The following FBLN1 variants were observed in gnomAD, a reference collection of about 807,000 sequenced individuals.
FBLN1 encodes fibulin 1.
A neutral mutation model predicts 89.7 loss-of-function variants in FBLN1; 34 were observed. That is an observed-to-expected ratio of 0.38 (90% CI 0.29 to 0.50). The LOEUF is 0.50. Among genes scored for constraint, FBLN1 ranks in the 20% least tolerant of loss-of-function variants. The probability of loss-of-function intolerance (pLI) is 0.92; values close to 1 mark genes in which losing one functional copy is unlikely to be tolerated. For synonymous variants in FBLN1, 393 were observed against 391.3 expected, an observed-to-expected ratio of 1.00 and a Z score of -0.05; for missense variants, 777 against 988.1, an observed-to-expected ratio of 0.79 and a Z score of 2.86.
chr22:45,562,927 G>T lies in FBLN1; in HGVS notation c.1698-11584G>T. The T allele has an allele frequency of 1.2e-6, 2 of 1,613,976 alleles. No homozygotes were observed. Among genetic ancestry groups the T allele is most frequent in the Non-Finnish European group, 1.7e-6 (2 of 1,180,016 alleles). ...TTTCTTGCAGCCGCTGTGAGCGCTT[G>T]CCTTGCCATGAGAATCGGGAGTGCT... On this transcript the variant is annotated intron_variant, in intron 14 of 16. Coordinates refer to ENST00000327858, the MANE Select transcript of FBLN1 (RefSeq NM_006486.3). The surrounding 1 kb of genome is among the most constrained non-coding windows in gnomAD (Gnocchi z 7.8).
chr22:45,598,048 C>T (rs547742918), intron 16 of FBLN1, among the ~76,000 whole-genome samples: 12 of 152,300 alleles, frequency 7.9e-5, no homozygotes, highest in African/African-American at 1.2e-4. Context: ...AGGCTGTCAC[C>T]GTGCACGTTT....
intron 2 of FBLN1, chr22:45,523,235 G>A (rs781669117): frequency 1.3e-6 from 1 of 752,638 alleles, no homozygotes; most frequent in East Asian, 2.4e-5. Context: ...AGGGTGGCTG[G>A]AGTGGAGCCA....
At position 45,578,688 on chromosome 22, in the gene FBLN1, C is replaced by T. The variant is rs368220607; in HGVS notation, c.1972+1580C>T. ...GCACCCTGACACTGGCCCACAGCCGCCCCCCGCCCCAAAGGGGCCAGCCCT... is the reference window on the plus strand; with the variant it reads ...GCACCCTGACACTGGCCCACAGCCGTCCCCCGCCCCAAAGGGGCCAGCCCT... On this transcript the variant is annotated intron_variant, in intron 16 of 16. Transcript: ENST00000327858. The surrounding 1 kb of genome is among the most constrained non-coding windows in gnomAD (Gnocchi z 4.6). 4.6e-5 allele frequency among the ~76,000 whole-genome samples: 7 copies of T among 152,334 alleles called. No homozygotes were observed. Among genetic ancestry groups the T allele is most frequent in the Admixed American group, 3.3e-4 (5 of 15,304 alleles).
intron 14 of FBLN1, among the ~76,000 whole-genome samples, chr22:45,555,653 G>C (rs1015590584): frequency 1.3e-5 from 2 of 151,954 alleles, no homozygotes; most frequent in Non-Finnish European, 2.9e-5. Flanking sequence ...GACACACCCA[G>C]GATCAATACT....
intron 14 of FBLN1, among the ~76,000 whole-genome samples, chr22:45,554,471 C>T (rs1385428972): frequency 6.6e-6 from 1 of 152,184 alleles, no homozygotes; most frequent in Non-Finnish European, 1.5e-5. Context: ...GTTCAGTGCC[C>T]CTGACTCCCA....
At position 45,578,541 on chromosome 22, in the gene FBLN1, A is replaced by G. The variant is rs1314951692; in HGVS notation, c.1972+1433A>G. On this transcript the variant is annotated intron_variant, in intron 16 of 16. Coordinates refer to ENST00000327858, the MANE Select transcript of FBLN1 (RefSeq NM_006486.3). This position sits in a 1 kb window ranked among gnomAD's most constrained non-coding sequence, Gnocchi z 4.6. ...CCCACTCTGGGCCTCAGTTTCCCCC[A>G]TTGTGAAATGAGAGTTTAGATGAAG... The G allele has an allele frequency of 1.3e-5, 2 of 150,922 alleles. No homozygotes were observed. Among genetic ancestry groups the G allele is most frequent in the East Asian group, 3.9e-4 (2 of 5,088 alleles). 9.3% of individuals were successfully genotyped at this position (150,922 alleles called of 1,614,324 possible).
At chr22:45,516,655 AG>A (rs1404268155) in intron 1 of FBLN1, among the ~76,000 whole-genome samples, 4 of 151,504 alleles carry the variant, frequency 2.6e-5, no homozygotes, top group African/African-American at 4.8e-5. Context: ...CTGAGGTGGG[AG>A]GGGGGCTGAG....
At chr22:45,570,545 A>G (rs2147022770) in intron 14 of FBLN1, among the ~76,000 whole-genome samples, 1 of 152,254 alleles carries the variant, frequency 6.6e-6, no homozygotes, top group Non-Finnish European at 1.5e-5. Context: ...AAAGAACAAC[A>G]AGTTTTAAAA....
chr22:45,519,165 T>C (rs1175412169), intron 2 of FBLN1, among the ~76,000 whole-genome samples: 1 of 152,142 alleles, frequency 6.6e-6, no homozygotes, highest in Non-Finnish European at 1.5e-5. Context: ...ACGGACCACC[T>C]ACAGACCCCA....
At chr22:45,523,070 A>T in intron 2 of FBLN1, 2 of 747,112 alleles carry the variant, frequency 2.7e-6, no homozygotes, top group Middle Eastern at 2.3e-4. Flanking sequence ...GCTTCTGCTC[A>T]TGGTGGGTTT....
chr22:45,535,151 C>T, intron 7 of FBLN1, 49 bp from the exon 8 acceptor site: 1 of 1,610,460 alleles, frequency 6.2e-7, no homozygotes, highest in Non-Finnish European at 8.5e-7. Context: ...TTGTAAGATG[C>T]TTCTGGCAGG....
chr22:45,551,104 C>T (rs1041898968), intron 14 of FBLN1: 3 of 254,476 alleles, frequency 1.2e-5, no homozygotes, highest in Non-Finnish European at 2.3e-5. Context: ...CGTGTGGGAA[C>T]GGCATCAAAG....
chr22:45,554,989 C>G (rs1016202356), intron 14 of FBLN1, among the ~76,000 whole-genome samples: 1 of 149,588 alleles, frequency 6.7e-6, no homozygotes, highest in Non-Finnish European at 1.5e-5. Flanking sequence ...GACCCGTCCC[C>G]GTCTCCACCA....
chr22:45,523,232 C>T (rs5764766), intron 2 of FBLN1: 1 of 754,058 alleles, frequency 1.3e-6, no homozygotes, highest in Non-Finnish European at 2.5e-6. Flanking sequence ...GCCAGGGTGG[C>T]TGGAGTGGAG....
At chr22:45,593,039 C>T (rs1212747444) in intron 16 of FBLN1, among the ~76,000 whole-genome samples, 9 of 152,114 alleles carry the variant, frequency 5.9e-5, no homozygotes, top group Non-Finnish European at 1.2e-4. Context: ...GGGAAGATGA[C>T]GTGCCCAAGG....
Position 45,547,161 on chromosome 22 carries a change from G to T in FBLN1, c.1398G>T (p.Arg466=). 1 of 1,614,108 alleles carries T rather than the reference G, an allele frequency of 6.2e-7. No homozygotes were observed. The highest frequency in any genetic ancestry group is 8.5e-7 in the Non-Finnish European group (1 of 1,180,036). ...NVYGSYQCYC[R]RGYQLSDVDG... ...ACGGCTCCTACCAGTGTTACTGCCG[G>T]CGAGGCTACCAGCTCAGCGATGTGG... is the stretch of plus-strand genomic sequence containing the variant. Residue 466 remains arginine (R), a synonymous_variant, in exon 12 of 17, where the codon CGG becomes CGT. Coordinates refer to ENST00000327858, the MANE Select transcript of FBLN1 (RefSeq NM_006486.3).
intron 10 of FBLN1, among the ~76,000 whole-genome samples, chr22:45,542,540 C>G (rs1440651206): frequency 2.6e-5 from 4 of 152,156 alleles, no homozygotes; most frequent in African/African-American, 9.7e-5. Flanking sequence ...CTGCTTGACC[C>G]AGGACCTCCA....
At position 45,532,875 on chromosome 22, in the gene FBLN1, T is replaced by C; in HGVS notation, c.545-188T>C. 6 of 634,956 alleles carry C rather than the reference T, an allele frequency of 9.4e-6. No individual in the cohort carries two copies. In the South Asian group the frequency reaches 1.1e-4, roughly 11 times the overall value. 39.3% of individuals were successfully genotyped at this position (634,956 alleles called of 1,614,324 possible). The stretch of plus-strand genomic sequence containing the variant: ...GGTTGGGACCTGAAGCAGCAGCCCC[T>C]GGGGGGTGTCCAGAGCCAGAGCCTG... On this transcript the variant is annotated intron_variant, in intron 5 of 16. Coordinates refer to ENST00000327858, the MANE Select transcript of FBLN1 (RefSeq NM_006486.3). The surrounding 1 kb of genome is among the most constrained non-coding windows in gnomAD (Gnocchi z 4.2).
intron 12 of FBLN1, among the ~76,000 whole-genome samples, chr22:45,548,015 G>A (rs1187040271): frequency 2.0e-5 from 3 of 152,158 alleles, no homozygotes; most frequent in African/African-American, 7.2e-5. Flanking sequence ...CAATTACGAT[G>A]ATTACCATTT....
Sources: gnomAD v4.1 joint callset for allele counts (sites outside exome capture counted in the v4.1 genomes callset) on GRCh38, gnomAD v4.1.1 for gene constraint, Gnocchi (gnomAD v3.1) non-coding constraint, MANE v1.5 for transcripts, NCBI Gene and HGNC (gene_info 2026-07-23, HGNC 2026-07-21) for gene names.